Variants in MCOLN3 observed in about 807,000 individuals in gnomAD.
The protein encoded by MCOLN3 is mucolipin TRP cation channel 3, also known as mucolipin-3.
Under a neutral mutation model 69.4 loss-of-function variants are expected in MCOLN3, and 62 were observed. The ratio of observed to expected loss-of-function variants is 0.89; its 90% confidence interval spans 0.73 to 1.10. MCOLN3 has a LOEUF of 1.10. MCOLN3 is among the 50% of genes least tolerant of loss of function. The pLI is 0.00. For synonymous variants in MCOLN3, 183 were observed against 217.0 expected (o/e 0.84, Z 1.38); for missense variants, 564 against 656.4 (o/e 0.86, Z 1.54).
intron 6 of MCOLN3, among the ~76,000 whole-genome samples, chr1:85,032,171 G>C (rs191980625): frequency 1.2e-3 from 180 of 152,266 alleles, no homozygotes; most frequent in African/African-American, 4.2e-3. Context: ...AATAGCATGA[G>C]GGCCAAGATG....
intron 1 of MCOLN3, among the ~76,000 whole-genome samples, chr1:85,046,770 A>T (rs1381547039): frequency 1.3e-5 from 2 of 152,232 alleles, no homozygotes; most frequent in East Asian, 3.8e-4. Context: ...ATTAATAAGG[A>T]TACTGCTGGA....
intron 12 of MCOLN3, 101 bp from the exon 13 acceptor site, chr1:85,019,358 A>G: frequency 1.7e-6 from 2 of 1,160,234 alleles, no homozygotes; most frequent in Admixed American, 2.0e-5. Flanking sequence ...GGGGTTTTCT[A>G]GAGAGATAGT....
intron 3 of MCOLN3, among the ~76,000 whole-genome samples, chr1:85,038,151 A>G (rs970722174): frequency 2.0e-5 from 3 of 152,150 alleles, no homozygotes; most frequent in Admixed American, 2.0e-4. Context: ...CAGCCTAGGG[A>G]GTGGGTGGGA....
intron 11 of MCOLN3, 76 bp from the exon 12 acceptor site, chr1:85,021,352 T>TA: frequency 8.0e-7 from 1 of 1,249,576 alleles, no homozygotes; most frequent in African/African-American, 1.5e-5. Context: ...TGACATTGTA[T>TA]TAAACATAAA....
At chr1:85,033,027 T>A in intron 4 of MCOLN3, 71 bp from the exon 5 acceptor site, 1 of 1,202,350 alleles carries the variant, frequency 8.3e-7, no homozygotes, top group Non-Finnish European at 1.2e-6. Context: ...CTGATACATT[T>A]AAGACCAGTT....
At chr1:85,032,821 T>G (rs781205207) in intron 5 of MCOLN3, 29 bp from the exon 6 acceptor site, 2 of 1,613,630 alleles carry the variant, frequency 1.2e-6, no homozygotes, top group Non-Finnish European at 1.7e-6. Context: ...TTTAGTTCTG[T>G]GGCAATATAT....
intron 2 of MCOLN3, among the ~76,000 whole-genome samples, chr1:85,042,482 T>C (rs1653120567): frequency 6.6e-6 from 1 of 152,354 alleles, no homozygotes; most frequent in Admixed American, 6.5e-5. Context: ...CTTGATATTC[T>C]AGGGATTTTG....
chr1:85,031,719 G>A (rs563578712), intron 6 of MCOLN3, among the ~76,000 whole-genome samples: 3 of 152,018 alleles, frequency 2.0e-5, no homozygotes, highest in South Asian at 4.2e-4. Flanking sequence ...TAGCTACATG[G>A]GCAAATAAAA....
chr1:85,038,188 G>A (rs1312475127), intron 3 of MCOLN3, among the ~76,000 whole-genome samples: 2 of 152,128 alleles, frequency 1.3e-5, no homozygotes, highest in Non-Finnish European at 2.9e-5. Context: ...CTCTTGGATG[G>A]GCAGTTCTGA....
intron 11 of MCOLN3, among the ~76,000 whole-genome samples, chr1:85,021,856 T>C (rs962544683): frequency 6.6e-6 from 1 of 152,196 alleles, no homozygotes; most frequent in African/African-American, 2.4e-5. Context: ...TTACCTGATA[T>C]ATTGCAAGAA....
chr1:85,030,982 T>A (rs1652482183), intron 6 of MCOLN3, among the ~76,000 whole-genome samples: 1 of 152,002 alleles, frequency 6.6e-6, no homozygotes, highest in African/African-American at 2.4e-5. Context: ...GGTATAGAGA[T>A]ACAGTGAGGG....
At chr1:85,024,359 G>C (rs957210998) in intron 9 of MCOLN3, among the ~76,000 whole-genome samples, 1 of 152,190 alleles carries the variant, frequency 6.6e-6, no homozygotes, top group Non-Finnish European at 1.5e-5. Context: ...TGATCCCCAA[G>C]AGAAGGAAAA....
In MCOLN3 at chr1:85,023,747, A is replaced by G. The variant is rs188009883; in HGVS notation, c.1096-1347T>C. 5.2e-3 allele frequency among the ~76,000 whole-genome samples: 788 copies of G among 152,326 alleles called. 5 individuals are homozygous for G. Among genetic ancestry groups the G allele is most frequent in the Non-Finnish European group, 5.6e-3 (382 of 68,016 alleles). On this transcript the variant is annotated intron_variant, in intron 9 of 12. Transcript: ENST00000370589. ...ATGAGATTACCAAGACAGTGGCAGA[A>G]AAGAGAAGATGTCCAAGCACTATGC...
intron 7 of MCOLN3, among the ~76,000 whole-genome samples, chr1:85,027,108 T>G (rs919117030): frequency 2.0e-5 from 3 of 152,170 alleles, no homozygotes; most frequent in African/African-American, 7.2e-5. Context: ...AAATATTTAT[T>G]ATGCATTCAC....
intron 1 of MCOLN3, 82 bp from the exon 2 acceptor site, chr1:85,045,444 C>T: frequency 1.8e-6 from 2 of 1,097,246 alleles, no homozygotes; most frequent in Admixed American, 2.6e-5. Context: ...TTTAATATTG[C>T]AAGGAGAAGC....
chr1:85,030,946 G>T (rs1255015987), intron 6 of MCOLN3, among the ~76,000 whole-genome samples: 1 of 152,132 alleles, frequency 6.6e-6, no homozygotes. Flanking sequence ...GGGGAGGCGT[G>T]GGGGATAAAT....
At chr1:85,023,550 G>C (rs1234800202) in intron 9 of MCOLN3, 1 of 152,188 alleles carries the variant, frequency 6.6e-6, no homozygotes, top group Non-Finnish European at 1.5e-5. Flanking sequence ...TGCAGAGGTG[G>C]GGGCTTTAGA....
intron 7 of MCOLN3, among the ~76,000 whole-genome samples, chr1:85,026,963 T>C (rs919144404): frequency 6.6e-6 from 1 of 151,968 alleles, no homozygotes; most frequent in Non-Finnish European, 1.5e-5. Flanking sequence ...TTTGTTGCCA[T>C]GGTTGGTCTT....
chr1:85,039,975 G>A (rs1459829816), intron 3 of MCOLN3, among the ~76,000 whole-genome samples: 1 of 151,316 alleles, frequency 6.6e-6, no homozygotes, highest in Non-Finnish European at 1.5e-5. Flanking sequence ...TTAATGAACT[G>A]TTTACCTCTT....
Sources: allele counts gnomAD v4.1 joint callset (sites outside exome capture counted in the v4.1 genomes callset), GRCh38; gene constraint gnomAD v4.1.1; transcripts MANE v1.5; gene names NCBI Gene and HGNC (gene_info 2026-07-23, HGNC 2026-07-21).